The following SNX13 variants were observed in gnomAD, a reference collection of about 807,000 sequenced individuals.
SNX13 encodes the protein sorting nexin 13.
A neutral mutation model predicts 133.6 loss-of-function variants in SNX13; 45 were observed. The observed-to-expected ratio is 0.34, with a 90% CI of 0.27 to 0.43. The LOEUF (loss-of-function observed/expected upper bound fraction) is 0.43, where lower values mean the gene tolerates loss of function less well. SNX13 is among the 20% of genes least tolerant of loss of function. The probability of loss-of-function intolerance (pLI) is 1.00; values close to 1 mark genes in which losing one functional copy is unlikely to be tolerated. For synonymous variants in SNX13, 414 were observed against 373.9 expected, an observed-to-expected ratio of 1.11 and a Z score of -1.24; for missense variants, 1,032 against 1,145.1, an observed-to-expected ratio of 0.90 and a Z score of 1.43.
At chr7:17,870,633 A>G (rs913601262) in intron 8 of SNX13, among the ~76,000 whole-genome samples, 3 of 152,232 alleles carry the variant, frequency 2.0e-5, no homozygotes, top group African/African-American at 7.2e-5. Context: ...TAGCACATGC[A>G]CCACAGCCAT....
chr7:17,826,063 G>T lies in SNX13; in HGVS notation c.1664C>A (p.Ser555Tyr). 6.5e-7 allele frequency: 1 copy of T among 1,536,468 alleles called. No homozygotes were observed. The highest frequency in any genetic ancestry group is 1.3e-5 in the South Asian group (1 of 78,626). Residue 555 changes from serine (S) to tyrosine (Y), a missense_variant, in exon 17 of 26, where the codon TCT becomes TAT. Physicochemically the swap from Ser to Tyr is moderately radical, Grantham distance 144. Coordinates refer to ENST00000428135, the MANE Select transcript of SNX13 (RefSeq NM_015132.5). ...LSLDDLSNVS[S>Y]DDSVQLHAYI... ...GGCATGAAGTTGTACTGAGTCATCAGAAGAAACATTTGAAAGGTCATCTAA... is the reference window on the plus strand; with the variant it reads ...GGCATGAAGTTGTACTGAGTCATCATAAGAAACATTTGAAAGGTCATCTAA...
At chr7:17,877,162 C>G (rs1239703206) in intron 5 of SNX13, among the ~76,000 whole-genome samples, 1 of 144,052 alleles carries the variant, frequency 6.9e-6, no homozygotes, top group African/African-American at 2.6e-5. Flanking sequence ...ATACATGAAA[C>G]TAAAGAGAAA....
At chr7:17,933,819 T>G (rs954698788) in intron 1 of SNX13, among the ~76,000 whole-genome samples, 1 of 147,878 alleles carries the variant, frequency 6.8e-6, no homozygotes, top group East Asian at 2.0e-4. Context: ...AAAAACCCGA[T>G]GTACTACCAC....
At chr7:17,805,255 G>GCGCGCGCGCGCGCGCA (rs1554304359) in intron 20 of SNX13, among the ~76,000 whole-genome samples, 1 of 86,764 alleles carries the variant, frequency 1.2e-5, no homozygotes, top group Non-Finnish European at 2.8e-5. Context: ...GTGTGTGCGT[G>GCGCGCGCGCGCGCGCA]CGCGCGCGCG....
intron 1 of SNX13, among the ~76,000 whole-genome samples, chr7:17,934,551 C>T (rs1801811894): frequency 6.6e-6 from 1 of 152,012 alleles, no homozygotes; most frequent in Non-Finnish European, 1.5e-5. Flanking sequence ...GCTGGGGGCC[C>T]AGAGATAACA....
rs375861465 is a variant in SNX13 at position 17,873,624 on chromosome 7, T to C, written c.665-8A>G. ...ACAAATCCCTTAGGAATCCTAAAAGTAGAAAAAGTAGCTATCATAACATTA... is the reference window on the plus strand; with the variant it reads ...ACAAATCCCTTAGGAATCCTAAAAGCAGAAAAAGTAGCTATCATAACATTA... On this transcript the variant is annotated splice_polypyrimidine_tract_variant and splice_region_variant and intron_variant, in intron 7 of 25. Transcript: ENST00000428135. The C allele has an allele frequency of 8.0e-6, 12 of 1,493,712 alleles. No individual in the cohort carries two copies. Among genetic ancestry groups the C allele is most frequent in the African/African-American group, 1.4e-5 (1 of 71,404 alleles). The allele number at this position is 1,493,712 out of a possible 1,614,324, so 92.5% of individuals were successfully genotyped here. A position where few individuals can be genotyped will look rare whatever the true frequency, so the allele number is the denominator to read the frequency against.
intron 1 of SNX13, 105 bp downstream of exon 1, chr7:17,940,179 G>A: frequency 6.8e-7 from 1 of 1,474,324 alleles, no homozygotes; most frequent in Non-Finnish European, 9.3e-7. Context: ...TGGAGCCCAC[G>A]GCGAAGGGTC....
intron 5 of SNX13, chr7:17,880,430 T>C (rs1018797370): frequency 1.3e-5 from 2 of 152,198 alleles, no homozygotes; most frequent in Non-Finnish European, 2.9e-5. Context: ...AAAGTGTAAC[T>C]GGGATATTTA....
intron 25 of SNX13, chr7:17,796,325 C>G (rs913732594): frequency 6.6e-6 from 1 of 152,276 alleles, no homozygotes; most frequent in Non-Finnish European, 1.5e-5. Context: ...AATAATCAGC[C>G]AATCAGTTCT....
At chr7:17,902,244 T>C (rs985331853) in intron 1 of SNX13, among the ~76,000 whole-genome samples, 1 of 10,922 alleles carries the variant, frequency 9.2e-5, no homozygotes, top group African/African-American at 7.1e-4. Context: ...CTGTCATGGT[T>C]TTTTTTTTTT....
intron 20 of SNX13, among the ~76,000 whole-genome samples, chr7:17,805,048 T>G (rs1785036088): frequency 1.3e-5 from 2 of 152,200 alleles, no homozygotes; most frequent in South Asian, 2.1e-4. Flanking sequence ...TAGATATGCT[T>G]GACGGAACAT....
At position 17,846,245 on chromosome 7, in the gene SNX13, GA is replaced by G. The variant is rs770235067; in HGVS notation, c.1066-552del. ...CAGAGCAAGGAAACAACCTACATAT[GA>G]AAAAAAAAAAGGGAAAAATTGCGTC... On this transcript the variant is annotated intron_variant, in intron 11 of 25. Transcript: ENST00000428135. 5.8e-4 allele frequency among the ~76,000 whole-genome samples: 81 copies of G among 140,858 alleles called. 1 individual carries two copies. In the East Asian group the frequency reaches 8.1e-3, roughly 14 times the overall value. 92.4% of individuals were successfully genotyped at this position (140,858 alleles called of 152,430 possible).
chr7:17,798,972 T>A, intron 23 of SNX13, 37 bp downstream of exon 23: 1 of 1,587,504 alleles, frequency 6.3e-7, no homozygotes, highest in Non-Finnish European at 8.6e-7. Context: ...AATAGCTAAG[T>A]AAGATCAGAT....
intron 5 of SNX13, among the ~76,000 whole-genome samples, chr7:17,878,617 T>C (rs1032156754): frequency 6.6e-6 from 1 of 152,182 alleles, no homozygotes; most frequent in African/African-American, 2.4e-5. Context: ...GTCTCCCACA[T>C]CCACTCGTTT....
intron 1 of SNX13, among the ~76,000 whole-genome samples, chr7:17,908,643 A>T (rs1766059320): frequency 6.6e-6 from 1 of 152,208 alleles, no homozygotes; most frequent in Admixed American, 6.5e-5. Context: ...AGCTTCTTTC[A>T]TTCATTCACT....
chr7:17,811,760 C>T (rs1298101753), intron 20 of SNX13, among the ~76,000 whole-genome samples: 2 of 152,132 alleles, frequency 1.3e-5, no homozygotes, highest in East Asian at 3.9e-4. Flanking sequence ...TACAAAGCTA[C>T]AGTAGTCAAA....
At chr7:17,861,461 C>T (rs1225146157) in intron 9 of SNX13, among the ~76,000 whole-genome samples, 2 of 151,944 alleles carry the variant, frequency 1.3e-5, no homozygotes, top group Non-Finnish European at 1.5e-5. Flanking sequence ...GTCACACTAA[C>T]GTAATCATTG....
chr7:17,830,848 G>T (rs1170371944), intron 15 of SNX13: 1 of 984,080 alleles, frequency 1.0e-6, no homozygotes, highest in Non-Finnish European at 1.2e-6. Context: ...GGTTATATAT[G>T]AATTTGGTTC....
chr7:17,913,088 G>A (rs1328427698), intron 1 of SNX13, among the ~76,000 whole-genome samples: 2 of 152,198 alleles, frequency 1.3e-5, no homozygotes, highest in African/African-American at 4.8e-5. Context: ...CTGAGGAGCG[G>A]GAGGGAGGCA....
Sources: gnomAD v4.1 joint callset for allele counts (sites outside exome capture counted in the v4.1 genomes callset) on GRCh38, gnomAD v4.1.1 for gene constraint, MANE v1.5 for transcripts, NCBI Gene and HGNC (gene_info 2026-07-23, HGNC 2026-07-21) for gene names.